The following LNX1 variants were observed in gnomAD, a reference collection of about 807,000 sequenced individuals.
LNX1 encodes the protein E3 ubiquitin-protein ligase LNX.
In LNX1, 54 loss-of-function variants were observed where a neutral mutation model predicts 68.4. The ratio of observed to expected loss-of-function variants is 0.79; its 90% CI spans 0.63 to 0.99. The LOEUF is 0.99. Among genes scored for constraint, LNX1 ranks in the 50% least tolerant of loss-of-function variants. The probability of loss-of-function intolerance (pLI) is 0.00; values close to 1 mark genes in which losing one functional copy is unlikely to be tolerated. For synonymous variants in LNX1, 336 were observed against 350.0 expected (o/e 0.96, Z 0.45); for missense variants, 906 against 926.4 (o/e 0.98, Z 0.29).
At chr4:53,595,506 G>A (rs2109827612), upstream of LNX1, among the ~76,000 whole-genome samples, 2 of 152,290 alleles carry the variant, frequency 1.3e-5, no homozygotes, top group Middle Eastern at 6.8e-3. Context: ...AAACTTCCAG[G>A]ATATGCCATT....
At chr4:53,621,042 G>A (rs761333749), upstream of LNX1, among the ~76,000 whole-genome samples, 12 of 152,150 alleles carry the variant, frequency 7.9e-5, no homozygotes, top group Non-Finnish European at 1.3e-4. Flanking sequence ...TTTTGCTGAG[G>A]TTCCCACCTT....
At chr4:53,490,698 TG>T (rs1248683283) in intron 6 of LNX1, among the ~76,000 whole-genome samples, 1 of 152,208 alleles carries the variant, frequency 6.6e-6, no homozygotes, top group Non-Finnish European at 1.5e-5. Context: ...AAGGCAAATG[TG>T]ATTCACGGAG....
At chr4:53,491,309 T>C (rs1724662271) in intron 6 of LNX1, among the ~76,000 whole-genome samples, 1 of 152,144 alleles carries the variant, frequency 6.6e-6, no homozygotes, top group Admixed American at 6.5e-5. Flanking sequence ...ATGCAGTTTC[T>C]TCATAAAGAA....
At chr4:53,511,099 C>T (rs1726299684) in intron 2 of LNX1, among the ~76,000 whole-genome samples, 1 of 152,140 alleles carries the variant, frequency 6.6e-6, no homozygotes, top group Non-Finnish European at 1.5e-5. Flanking sequence ...CTTACAACAG[C>T]TGGGGAGGGT....
At chr4:53,533,182 A>G (rs1728134183) in intron 2 of LNX1, among the ~76,000 whole-genome samples, 1 of 152,210 alleles carries the variant, frequency 6.6e-6, no homozygotes, top group Non-Finnish European at 1.5e-5. Flanking sequence ...TTAAGACTGC[A>G]GTAAATCCTC....
At chr4:53,486,435 T>C (rs1296779322) in intron 6 of LNX1, among the ~76,000 whole-genome samples, 1 of 152,168 alleles carries the variant, frequency 6.6e-6, no homozygotes, top group Non-Finnish European at 1.5e-5. Context: ...ATGCCATCCA[T>C]ATTCTCCCCT....
intron 1 of LNX1, among the ~76,000 whole-genome samples, chr4:53,583,466 A>G (rs1402226746): frequency 1.3e-5 from 2 of 152,174 alleles, no homozygotes; most frequent in Non-Finnish European, 2.9e-5. Flanking sequence ...TTCTAAATCA[A>G]TGATCTCGAA....
intron 1 of LNX1, chr4:53,576,271 G>A (rs1217408032): frequency 1.9e-6 from 3 of 1,611,660 alleles, no homozygotes; most frequent in Non-Finnish European, 2.5e-6. Context: ...AGATGGGTTA[G>A]CATACCGCTT....
chr4:53,535,168 A>G (rs1203342216), intron 2 of LNX1, among the ~76,000 whole-genome samples: 1 of 152,242 alleles, frequency 6.6e-6, no homozygotes, highest in South Asian at 2.1e-4. Context: ...GGATGTAATC[A>G]AAGTCGTATG....
chr4:53,604,270 A>G (rs948839021), intron 2 of LNX1, among the ~76,000 whole-genome samples: 1 of 152,202 alleles, frequency 6.6e-6, no homozygotes, highest in African/African-American at 2.4e-5. Context: ...CATTTATCAC[A>G]AGCATAATAT....
At chr4:53,546,334 A>C (rs1237370414) in intron 2 of LNX1, among the ~76,000 whole-genome samples, 3 of 152,222 alleles carry the variant, frequency 2.0e-5, no homozygotes, top group East Asian at 1.9e-4. Flanking sequence ...GAGCAGGCCC[A>C]GGTGGTCAGA....
chr4:53,548,345 A>G (rs917989376), intron 2 of LNX1, among the ~76,000 whole-genome samples: 1 of 152,160 alleles, frequency 6.6e-6, no homozygotes, highest in African/African-American at 2.4e-5. Flanking sequence ...ACTCTTAGGT[A>G]TATTTTTTCT....
At chr4:53,528,340 A>G (rs1727772875) in intron 2 of LNX1, among the ~76,000 whole-genome samples, 1 of 152,232 alleles carries the variant, frequency 6.6e-6, no homozygotes, top group Non-Finnish European at 1.5e-5. Flanking sequence ...TTCATAAGTT[A>G]CAGTTCAATA....
At chr4:53,512,909 C>T (rs1308592268) in intron 2 of LNX1, among the ~76,000 whole-genome samples, 2 of 152,066 alleles carry the variant, frequency 1.3e-5, no homozygotes, top group Non-Finnish European at 2.9e-5. Flanking sequence ...CTGAAATGGG[C>T]TCTCCCTGAG....
At chr4:53,542,732 C>T (rs1728845726) in intron 2 of LNX1, among the ~76,000 whole-genome samples, 1 of 152,196 alleles carries the variant, frequency 6.6e-6, no homozygotes, top group African/African-American at 2.4e-5. Context: ...CATTAATTTA[C>T]ACTGAGTAAG....
At chr4:53,632,512 C>A (rs1422210980) in intron 1 of LNX1, among the ~76,000 whole-genome samples, 1 of 152,200 alleles carries the variant, frequency 6.6e-6, no homozygotes, top group African/African-American at 2.4e-5. Context: ...GTACAAAAGT[C>A]CAGCTCCTTT....
At chr4:53,471,108 A>T (rs1352207377) in intron 9 of LNX1, among the ~76,000 whole-genome samples, 1 of 131,948 alleles carries the variant, frequency 7.6e-6, no homozygotes, top group East Asian at 2.2e-4. Flanking sequence ...AGGCTACAGT[A>T]ACCAAAACAG....
intron 1 of LNX1, among the ~76,000 whole-genome samples, chr4:53,623,146 T>C (rs1399538708): frequency 1.3e-5 from 2 of 152,016 alleles, no homozygotes; most frequent in Non-Finnish European, 2.9e-5. Flanking sequence ...CTGGACTATA[T>C]GTGGGCTAAC....
intron 2 of LNX1, among the ~76,000 whole-genome samples, chr4:53,519,035 G>C (rs1459304130): frequency 6.6e-6 from 1 of 152,180 alleles, no homozygotes; most frequent in Non-Finnish European, 1.5e-5. Flanking sequence ...TGTCATCAGG[G>C]CCATTTATCA....
Sources: gnomAD v4.1 joint callset for allele counts (sites outside exome capture counted in the v4.1 genomes callset) on GRCh38, gnomAD v4.1.1 for gene constraint, MANE v1.5 for transcripts, NCBI Gene and HGNC (gene_info 2026-07-23, HGNC 2026-07-21) for gene names.